The following KIAA1958 variants were observed in gnomAD, a reference collection of about 807,000 sequenced individuals.
KIAA1958 encodes the protein uncharacterized protein KIAA1958.
A neutral mutation model predicts 47.2 loss-of-function variants in KIAA1958; 14 were observed. The observed-to-expected ratio is 0.30, with a 90% CI of 0.20 to 0.46. The LOEUF (loss-of-function observed/expected upper bound fraction) is 0.46, where lower values mean the gene tolerates loss of function less well. Among genes scored for constraint, KIAA1958 ranks in the 20% least tolerant of loss-of-function variants. KIAA1958 has a pLI of 1.00. For missense variants in KIAA1958, 803 were observed against 909.2 expected, an observed-to-expected ratio of 0.88 and a Z score of 1.50; for synonymous variants, 354 against 353.3, an observed-to-expected ratio of 1.00 and a Z score of -0.02.
chr9:112,570,708 A>G (rs1425210669), intron 1 of KIAA1958, among the ~76,000 whole-genome samples: 1 of 152,228 alleles, frequency 6.6e-6, no homozygotes, highest in African/African-American at 2.4e-5. Context: ...AAGATTCTCC[A>G]GAGAGACAGA....
At chr9:112,517,733 C>G (rs1431366942) in intron 1 of KIAA1958, among the ~76,000 whole-genome samples, 1 of 152,014 alleles carries the variant, frequency 6.6e-6, no homozygotes, top group Non-Finnish European at 1.5e-5. Flanking sequence ...TCTTAAAACT[C>G]TGTACTAAAA....
rs1020526925 is a variant in KIAA1958, at chr9:112,618,803, G to A, written c.1172-26847G>A. ...GTCTGAGGCCCAGAGCAACCAGCTC[G>A]TGCTGATCTGTAACAATCTGAGCCA... On this transcript the variant is annotated intron_variant, in intron 2 of 3. Transcript: ENST00000337530. This position sits in a 1 kb window ranked among gnomAD's most constrained non-coding sequence, Gnocchi z 7.1. The A allele has an allele frequency of 1.4e-5, 22 of 1,550,542 alleles. No individual in the cohort carries two copies. The highest frequency in any genetic ancestry group is 2.4e-5 in the East Asian group (1 of 40,924).
rs201349723 is a variant in KIAA1958 at position 112,561,056 on chromosome 9, AT to A, written c.-24-12985del. ...TAGCACTCAGTGTATTGTCTTTGCA[AT>A]TTTTTTTTTTTTTTTGAGATGGAGT... On this transcript the variant is annotated intron_variant, in intron 1 of 3. Transcript: ENST00000337530. 6.7e-3 allele frequency among the ~76,000 whole-genome samples: 948 copies of A among 141,004 alleles called. 24 individuals are homozygous for A. In the East Asian group the frequency reaches 0.096, roughly 14 times the overall value. 92.5% of individuals were successfully genotyped at this position (141,004 alleles called of 152,430 possible). A position where few individuals can be genotyped will look rare whatever the true frequency, so the allele number is the denominator to read the frequency against.
chr9:112,520,077 GTTCT>G (rs1249338832), intron 1 of KIAA1958, among the ~76,000 whole-genome samples: 4 of 152,170 alleles, frequency 2.6e-5, no homozygotes, highest in Non-Finnish European at 5.9e-5. Context: ...AGTGAAAGCA[GTTCT>G]TTGTCATTTT....
chr9:112,650,520 GAT>G (rs1400574503), intron 3 of KIAA1958, among the ~76,000 whole-genome samples: 1 of 151,874 alleles, frequency 6.6e-6, no homozygotes, highest in Non-Finnish European at 1.5e-5. Flanking sequence ...GTTAAAGATA[GAT>G]ATTGCAAATC....
intron 2 of KIAA1958, among the ~76,000 whole-genome samples, chr9:112,594,108 T>G (rs1835974949): frequency 6.6e-6 from 1 of 152,042 alleles, no homozygotes; most frequent in African/African-American, 2.4e-5. Context: ...CCAACAGTCC[T>G]TCCACCTCAG....
intron 2 of KIAA1958, among the ~76,000 whole-genome samples, chr9:112,634,991 G>A (rs560801105): frequency 5.3e-5 from 8 of 151,920 alleles, no homozygotes; most frequent in Admixed American, 1.3e-4. Context: ...TAGGAATTCC[G>A]TTTTCTCATA....
At chr9:112,577,787 A>C (rs1835673176) in intron 2 of KIAA1958, among the ~76,000 whole-genome samples, 2 of 152,032 alleles carry the variant, frequency 1.3e-5, no homozygotes, top group Admixed American at 1.3e-4. Context: ...AAAAAAAAAA[A>C]ACGAATCCAT....
chr9:112,509,086 G>A (rs72762277), intron 1 of KIAA1958, among the ~76,000 whole-genome samples: 1 of 54,936 alleles, frequency 1.8e-5, no homozygotes, highest in Non-Finnish European at 6.3e-5. Flanking sequence ...TACATTTAAT[G>A]TTTTTTTTTT....
intron 1 of KIAA1958, among the ~76,000 whole-genome samples, chr9:112,518,960 A>G (rs545159947): frequency 7.9e-5 from 12 of 152,154 alleles, no homozygotes; most frequent in South Asian, 4.2e-4. Flanking sequence ...ACAGGGTCTC[A>G]ACTCTGTTGC....
At chr9:112,501,276 C>CAAA (rs142264952) in intron 1 of KIAA1958, among the ~76,000 whole-genome samples, 1 of 143,506 alleles carries the variant, frequency 7.0e-6, no homozygotes, top group African/African-American at 2.6e-5. Flanking sequence ...CTTGTCTTTA[C>CAAA]AAAAAAAAAA....
At chr9:112,530,138 C>T (rs1394872846) in intron 1 of KIAA1958, among the ~76,000 whole-genome samples, 3 of 152,180 alleles carry the variant, frequency 2.0e-5, no homozygotes, top group Middle Eastern at 3.2e-3. Flanking sequence ...CCACCACATC[C>T]GGCCTAGACT....
chr9:112,661,118 A>G lies in KIAA1958; in HGVS notation c.*1049A>G, dbSNP rs1254221386. ...AGATTTGGAATATTTTTGTCAATGT[A>G]TGACTTTTCAGCCACAATTACATGT... On this transcript the variant is annotated 3_prime_UTR_variant, in exon 4 of 4. Coordinates refer to ENST00000337530, the MANE Select transcript of KIAA1958 (RefSeq NM_133465.4). 2 of 152,222 alleles carry G rather than the reference A, an allele frequency of 1.3e-5. No homozygotes were observed. Among genetic ancestry groups the G allele is most frequent in the African/African-American group, 2.4e-5 (1 of 41,468 alleles). The allele number at this position is 152,222 out of a possible 1,614,324, so 9.4% of individuals were successfully genotyped here. A position where few individuals can be genotyped will look rare whatever the true frequency, so the allele number is the denominator to read the frequency against.
intron 1 of KIAA1958, among the ~76,000 whole-genome samples, chr9:112,562,869 T>G (rs1368656761): frequency 6.6e-6 from 1 of 151,738 alleles, no homozygotes. Context: ...TCTTGCTATG[T>G]CATCTAGGCT....
At chr9:112,498,648 T>C (rs988435779) in intron 1 of KIAA1958, among the ~76,000 whole-genome samples, 3 of 152,218 alleles carry the variant, frequency 2.0e-5, no homozygotes, top group African/African-American at 7.2e-5. Flanking sequence ...TGAGATGGAA[T>C]GATTCTACGT....
At chr9:112,507,477 T>C (rs1834251567) in intron 1 of KIAA1958, among the ~76,000 whole-genome samples, 1 of 152,112 alleles carries the variant, frequency 6.6e-6, no homozygotes, top group African/African-American at 2.4e-5. Context: ...GTCTCCTGAG[T>C]AGCTACCATT....
intron 1 of KIAA1958, among the ~76,000 whole-genome samples, chr9:112,539,712 A>G (rs899096949): frequency 2.6e-5 from 4 of 152,032 alleles, no homozygotes; most frequent in Non-Finnish European, 4.4e-5. Context: ...GGTTGGGTGC[A>G]TGGAGTCTCC....
At chr9:112,497,381 G>A (rs1304566586) in intron 1 of KIAA1958, among the ~76,000 whole-genome samples, 2 of 152,144 alleles carry the variant, frequency 1.3e-5, no homozygotes, top group Non-Finnish European at 2.9e-5. Flanking sequence ...AGACATTAGG[G>A]ACATGCACAT....
intron 1 of KIAA1958, among the ~76,000 whole-genome samples, chr9:112,539,179 C>G (rs1169987905): frequency 6.6e-6 from 1 of 152,218 alleles, no homozygotes; most frequent in Non-Finnish European, 1.5e-5. Context: ...TATGACACAG[C>G]AGTTCAGCTC....
Sources: gnomAD v4.1 joint callset for allele counts (sites outside exome capture counted in the v4.1 genomes callset) on GRCh38, gnomAD v4.1.1 for gene constraint, Gnocchi (gnomAD v3.1) non-coding constraint, MANE v1.5 for transcripts, NCBI Gene and HGNC (gene_info 2026-07-23, HGNC 2026-07-21) for gene names.